Variants in PCDHGB4 observed in about 807,000 individuals in gnomAD.
PCDHGB4 encodes the protein protocadherin gamma-B4.
PCDHGB4 carries 38 observed loss-of-function variants against 60.5 expected under a neutral mutation model. That is an observed-to-expected ratio of 0.63 (90% CI 0.48 to 0.82). The LOEUF (loss-of-function observed/expected upper bound fraction) is 0.82. PCDHGB4 is among the 40% of genes least tolerant of loss of function. The pLI is 0.00. For missense variants in PCDHGB4, 1,109 were observed against 1,209.6 expected (o/e 0.92, Z 1.23); for synonymous variants, 456 against 509.7 (o/e 0.89, Z 1.42).
intron 1 of PCDHGB4, chr5:141,393,145 A>G (rs2092690678): frequency 6.2e-7 from 1 of 1,613,324 alleles, no homozygotes; most frequent in Non-Finnish European, 8.5e-7. Context: ...ACCCTGGTTG[A>G]GGATAAAGGA....
At position 141,486,090 on chromosome 5, in the gene PCDHGB4, G is replaced by C. The variant is rs190955361; in HGVS notation, c.2398-8717G>C. On this transcript the variant is annotated intron_variant, in intron 1 of 3. Transcript: ENST00000519479. The surrounding 1 kb of genome is among the most constrained non-coding windows in gnomAD (Gnocchi z 5.0). ...ACTACTGGAAAGCTTACTCTTTTGG[G>C]GCCCCTAGACTTTGAGAGTGAGAAT... 4 of 1,614,086 alleles carry C rather than the reference G, an allele frequency of 2.5e-6. No individual in the cohort carries two copies. The Admixed American group carries it at 6.7e-5, about 27-fold the overall frequency.
intron 1 of PCDHGB4, among the ~76,000 whole-genome samples, chr5:141,425,918 C>T (rs901485843): frequency 1.1e-4 from 16 of 152,200 alleles, no homozygotes; most frequent in Admixed American, 2.0e-4. Flanking sequence ...ACAGTCACTA[C>T]GAAAACTCAT....
Position 141,485,036 on chromosome 5 carries a change from C to A in PCDHGB4, c.2398-9771C>A. ...CGCCACCAGCAAAAACGGCGCGTAA[C>A]CCTTGCGGCGCCGGCCGAACCGCGC... On this transcript the variant is annotated intron_variant, in intron 1 of 3. Coordinates refer to ENST00000519479, the MANE Select transcript of PCDHGB4 (RefSeq NM_003736.4). The surrounding 1 kb of genome is among the most constrained non-coding windows in gnomAD (Gnocchi z 5.7). 1 of 698,458 alleles carries A rather than the reference C, an allele frequency of 1.4e-6. No individual in the cohort carries two copies. The highest frequency in any genetic ancestry group is 2.5e-6 in the Non-Finnish European group (1 of 399,316). The allele number at this position is 698,458 out of a possible 1,614,324, so 43.3% of individuals were successfully genotyped here. A position where few individuals can be genotyped will look rare whatever the true frequency, so the allele number is the denominator to read the frequency against.
At chr5:141,458,694 C>G (rs905547768) in intron 1 of PCDHGB4, among the ~76,000 whole-genome samples, 1 of 152,136 alleles carries the variant, frequency 6.6e-6, no homozygotes, top group East Asian at 1.9e-4. Context: ...CTCAGCCTCC[C>G]GAGTAGCTGG....
At chr5:141,420,254 G>C (rs186977117) in intron 1 of PCDHGB4, 3 of 1,569,172 alleles carry the variant, frequency 1.9e-6, no homozygotes, top group Admixed American at 3.8e-5. Context: ...CGTTGAAGCA[G>C]ATAAGAAGAT....
rs1384148422 is a variant in PCDHGB4, at chr5:141,389,398, T to C, written c.1514T>C (p.Ile505Thr). 1.2e-6 allele frequency: 2 copies of C among 1,613,536 alleles called. No homozygotes were observed. The highest frequency in any genetic ancestry group is 4.5e-5 in the East Asian group (2 of 44,890). Residue 505 changes from isoleucine (I) to threonine (T), a missense_variant, in exon 1 of 4, where the codon ATA becomes ACA. Physicochemically the swap from Ile to Thr is moderately conservative, Grantham distance 89. Around this residue, in one of 2 missense-constraint regions of PCDHGB4, gnomAD observed 1,068 missense variants for 1,089.9 expected, o/e 0.98. Coordinates refer to ENST00000519479, the MANE Select transcript of PCDHGB4 (RefSeq NM_003736.4). ...EQRELSSYVS[I>T]SAESGVVFAQ... ...CGGGAGCTGTCATCCTACGTGTCCA[T>C]AAGCGCGGAGAGCGGGGTGGTGTTC... is the stretch of plus-strand genomic sequence containing the variant.
Position 141,511,656 on chromosome 5 carries a change from C to T in PCDHGB4, c.*483C>T, listed in dbSNP as rs2099883892. On this transcript the variant is annotated 3_prime_UTR_variant, in exon 4 of 4. Transcript: ENST00000519479. ...GGGCATCATGACCTCTTGGCCTCTC[C>T]TTTGATTCTCAATCTTCCCCCAAAG... is the stretch of plus-strand genomic sequence containing the variant. 4.9e-6 allele frequency: 1 copy of T among 206,024 alleles called. No individual in the cohort carries two copies. The highest frequency in any genetic ancestry group is 5.2e-5 in the Admixed American group (1 of 19,114). 12.8% of individuals were successfully genotyped at this position (206,024 alleles called of 1,614,324 possible).
chr5:141,468,067 G>A (rs560511893), intron 1 of PCDHGB4, among the ~76,000 whole-genome samples: 34 of 152,032 alleles, frequency 2.2e-4, no homozygotes, highest in Non-Finnish European at 4.0e-4. Flanking sequence ...GCTCACACCT[G>A]TAATCCCAGC....
chr5:141,390,373 A>T, intron 1 of PCDHGB4, 92 bp downstream of exon 1: 1 of 1,481,208 alleles, frequency 6.8e-7, no homozygotes, highest in Non-Finnish European at 9.2e-7. Flanking sequence ...AAAATATATA[A>T]TTTTTAGATG....
chr5:141,437,058 T>C (rs539776847), intron 1 of PCDHGB4, among the ~76,000 whole-genome samples: 2 of 152,246 alleles, frequency 1.3e-5, no homozygotes, highest in Non-Finnish European at 2.9e-5. Context: ...CTGGTGATCA[T>C]TATTTGGTTT....
chr5:141,474,093 C>G (rs2099341169), intron 1 of PCDHGB4, among the ~76,000 whole-genome samples: 1 of 152,098 alleles, frequency 6.6e-6, no homozygotes, highest in African/African-American at 2.4e-5. Flanking sequence ...AAAAAACAAA[C>G]AACAACAAAA....
At chr5:141,500,877 A>ATT (rs369345007) in intron 2 of PCDHGB4, among the ~76,000 whole-genome samples, 3 of 122,284 alleles carry the variant, frequency 2.5e-5, no homozygotes, top group Admixed American at 2.4e-4. Flanking sequence ...TTCATTTACA[A>ATT]TTTTTTTTTT....
At chr5:141,403,150 C>G (rs1420317278) in intron 1 of PCDHGB4, 2 of 1,614,046 alleles carry the variant, frequency 1.2e-6, no homozygotes, top group Non-Finnish European at 1.7e-6. Flanking sequence ...GAGTCCGCAT[C>G]GTCTCTAGAG....
At chr5:141,480,927 C>T (rs1562083028) in intron 1 of PCDHGB4, among the ~76,000 whole-genome samples, 1 of 152,090 alleles carries the variant, frequency 6.6e-6, no homozygotes, top group Non-Finnish European at 1.5e-5. Context: ...TACCTGTAGT[C>T]CCAGCTACTC....
rs1233148754 is a variant in PCDHGB4, at chr5:141,428,157, T to A, written c.2397+37876T>A. ...CCTGGGGCTGCACACGGGAACCTGC[T>A]GGTTGCTGTGCGTGACGGAGGACAG... On this transcript the variant is annotated intron_variant, in intron 1 of 3. Coordinates refer to ENST00000519479, the MANE Select transcript of PCDHGB4 (RefSeq NM_003736.4). The A allele has an allele frequency of 4.4e-6, 7 of 1,575,024 alleles. No individual in the cohort carries two copies. The East Asian group carries it at 1.6e-4, about 35-fold the overall frequency.
In PCDHGB4 at chr5:141,490,679, A is replaced by C; in HGVS notation, c.2398-4128A>C. On this transcript the variant is annotated intron_variant, in intron 1 of 3. Coordinates refer to ENST00000519479, the MANE Select transcript of PCDHGB4 (RefSeq NM_003736.4). The surrounding 1 kb of genome is among the most constrained non-coding windows in gnomAD (Gnocchi z 5.4). ...CTTCTTTGCACTGTGGCTGCCTCAG[A>C]TCCAGACACTGGGGATAATGCCCGC... 6.2e-7 allele frequency: 1 copy of C among 1,614,164 alleles called. No individual in the cohort carries two copies. The highest frequency in any genetic ancestry group is 8.5e-7 in the Non-Finnish European group (1 of 1,180,034).
At chr5:141,457,432 C>G (rs982456249) in intron 1 of PCDHGB4, among the ~76,000 whole-genome samples, 1 of 152,172 alleles carries the variant, frequency 6.6e-6, no homozygotes, top group Non-Finnish European at 1.5e-5. Context: ...TCCCCCCCAC[C>G]AAGCTGCAGA....
Position 141,486,970 on chromosome 5 carries a change from T to G in PCDHGB4, c.2398-7837T>G, listed in dbSNP as rs754309905. 1 of 1,614,050 alleles carries G rather than the reference T, an allele frequency of 6.2e-7. No individual in the cohort carries two copies. Among genetic ancestry groups the G allele is most frequent in the African/African-American group, 1.3e-5 (1 of 74,904 alleles). ...CAAAGGTGACTGCTGTGGACTTGGATTCAGGTTACAATGCTTGGGTTTCCT... is the reference window on the plus strand; with the variant it reads ...CAAAGGTGACTGCTGTGGACTTGGAGTCAGGTTACAATGCTTGGGTTTCCT... On this transcript the variant is annotated intron_variant, in intron 1 of 3. Coordinates refer to ENST00000519479, the MANE Select transcript of PCDHGB4 (RefSeq NM_003736.4). This position sits in a 1 kb window ranked among gnomAD's most constrained non-coding sequence, Gnocchi z 5.0.
Position 141,419,438 on chromosome 5 carries a change from A to G in PCDHGB4, c.2397+29157A>G, listed in dbSNP as rs764801455. On this transcript the variant is annotated intron_variant, in intron 1 of 3. Coordinates refer to ENST00000519479, the MANE Select transcript of PCDHGB4 (RefSeq NM_003736.4). ...CGCCTTCGACCACGAGCAGCTGCGC[A>G]CCTTCGAGCTCACGCTGCAGGCCCG... 8 of 1,613,138 alleles carry G rather than the reference A, an allele frequency of 5.0e-6. No homozygotes were observed. The highest frequency in any genetic ancestry group is 4.4e-5 in the South Asian group (4 of 91,044).
Sources: gnomAD v4.1 joint callset for allele counts (sites outside exome capture counted in the v4.1 genomes callset) on GRCh38, gnomAD v4.1.1 for gene constraint, gnomAD v4.1.1 regional missense constraint, Gnocchi (gnomAD v3.1) non-coding constraint, MANE v1.5 for transcripts, NCBI Gene and HGNC (gene_info 2026-07-23, HGNC 2026-07-21) for gene names.